VPS50: variants seen among roughly 807,000 people sequenced by gnomAD.
VPS50 encodes VPS50 subunit of EARP/GARPII complex.
VPS50 carries 70 observed loss-of-function variants against 139.7 expected under a neutral mutation model. The ratio of observed to expected loss-of-function variants is 0.50; its 90% CI spans 0.41 to 0.61. The LOEUF is 0.61. Among genes scored for constraint, VPS50 ranks in the 20% least tolerant of loss-of-function variants. The pLI, the probability that VPS50 is intolerant of heterozygous loss-of-function variation, is 0.00. For synonymous variants in VPS50, 365 were observed against 376.7 expected, an observed-to-expected ratio of 0.97 and a Z score of 0.36; for missense variants, 921 against 1,133.7, an observed-to-expected ratio of 0.81 and a Z score of 2.69.
At chr7:93,249,647 C>T (rs2116811319) in intron 2 of VPS50, among the ~76,000 whole-genome samples, 1 of 152,224 alleles carries the variant, frequency 6.6e-6, no homozygotes, top group East Asian at 1.9e-4. Flanking sequence ...TTTATTTGCT[C>T]ATGTTGCTGC....
intron 18 of VPS50, among the ~76,000 whole-genome samples, chr7:93,308,402 A>G (rs1361451717): frequency 6.6e-6 from 1 of 151,910 alleles, no homozygotes; most frequent in Non-Finnish European, 1.5e-5. Context: ...GCATGTGTTT[A>G]TTAAGCTGAA....
At chr7:93,333,993 A>G (rs1246210019) in intron 21 of VPS50, 124 bp from the exon 22 acceptor site, 3 of 681,478 alleles carry the variant, frequency 4.4e-6, no homozygotes, top group African/African-American at 3.6e-5. Flanking sequence ...TGTAAATGCA[A>G]TTTGGAAACC....
At chr7:93,297,377 T>C (rs1796841698) in intron 16 of VPS50, 134 bp downstream of exon 16, 2 of 984,096 alleles carry the variant, frequency 2.0e-6, no homozygotes, top group Non-Finnish European at 1.3e-6. Context: ...TTTTTTAAGA[T>C]GGTTAAGGAT....
intron 17 of VPS50, 62 bp downstream of exon 17, chr7:93,303,612 G>GA (rs199699453): frequency 3.7e-3 from 2,297 of 617,260 alleles, no homozygotes; most frequent in South Asian, 6.2e-3. Flanking sequence ...CCTTTTTTTT[G>GA]AAAAAAAAAA....
intron 26 of VPS50, among the ~76,000 whole-genome samples, chr7:93,354,910 TC>T (rs1320614745): frequency 6.6e-6 from 1 of 152,178 alleles, no homozygotes; most frequent in Non-Finnish European, 1.5e-5. Context: ...TCTTTTGTTC[TC>T]ATTTGTTATA....
chr7:93,246,017 A>T, intron 2 of VPS50: 1 of 752,586 alleles, frequency 1.3e-6, no homozygotes, highest in Non-Finnish European at 2.2e-6. Context: ...TACTGACTGA[A>T]TATTGAAAAC....
chr7:93,327,577 A>C (rs1425133862), intron 21 of VPS50, among the ~76,000 whole-genome samples: 1 of 152,222 alleles, frequency 6.6e-6, no homozygotes, highest in Non-Finnish European at 1.5e-5. Context: ...CTGATATTTT[A>C]TATTTAAACC....
intron 4 of VPS50, among the ~76,000 whole-genome samples, chr7:93,254,662 C>T (rs894501705): frequency 6.6e-6 from 1 of 152,106 alleles, no homozygotes; most frequent in African/African-American, 2.4e-5. Flanking sequence ...ATCATTTAAC[C>T]TCAGTGACTC....
intron 23 of VPS50, among the ~76,000 whole-genome samples, chr7:93,344,428 AG>A (rs1369913139): frequency 6.6e-6 from 1 of 152,198 alleles, no homozygotes; most frequent in Non-Finnish European, 1.5e-5. Context: ...TCAACGAGAC[AG>A]AAAGTTAACA....
rs548584915 is a variant in VPS50 at position 93,304,742 on chromosome 7, A to G, written c.1453-1086A>G. Among the ~76,000 whole-genome samples, 5 of 151,970 alleles carry G rather than the reference A, an allele frequency of 3.3e-5. No individual in the cohort carries two copies. The East Asian group carries it at 9.6e-4, about 29-fold the overall frequency. On this transcript the variant is annotated intron_variant, in intron 17 of 27. Coordinates refer to ENST00000305866, the MANE Select transcript of VPS50 (RefSeq NM_017667.4). ...TTGAAGCATTCCCATCTAGGTGAAC[A>G]TTATCTCCTTTAAAGTAGTTACCTT...
rs189918824 is a variant in VPS50, at chr7:93,237,416, A to G, written c.34-2450A>G. On this transcript the variant is annotated intron_variant, in intron 1 of 27. Coordinates refer to ENST00000305866, the MANE Select transcript of VPS50 (RefSeq NM_017667.4). ...TCACTTCACTCTACATCCTCCTAACATGTACACGGGTTTTCAATTTGTATT... is the reference window on the plus strand; with the variant it reads ...TCACTTCACTCTACATCCTCCTAACGTGTACACGGGTTTTCAATTTGTATT... Among the ~76,000 whole-genome samples, 44 of 152,208 alleles carry G rather than the reference A, an allele frequency of 2.9e-4. No homozygotes were observed. The East Asian group carries it at 7.9e-3, about 27-fold the overall frequency.
chr7:93,268,158 A>G (rs1489799474), intron 9 of VPS50, among the ~76,000 whole-genome samples: 29 of 152,294 alleles, frequency 1.9e-4, no homozygotes, highest in Admixed American at 1.6e-3. Context: ...GCCAAATCAT[A>G]TAGAATATTG....
chr7:93,349,405 C>T (rs529401156), intron 24 of VPS50, among the ~76,000 whole-genome samples: 1 of 152,242 alleles, frequency 6.6e-6, no homozygotes, highest in East Asian at 1.9e-4. Flanking sequence ...ATGGAAGCTC[C>T]TGGAGGGTTT....
At chr7:93,247,123 A>G (rs1362493627) in intron 2 of VPS50, among the ~76,000 whole-genome samples, 1 of 151,950 alleles carries the variant, frequency 6.6e-6, no homozygotes, top group African/African-American at 2.4e-5. Context: ...GTGGTATTAT[A>G]TGCAACCTTA....
In VPS50 at chr7:93,311,286, C is replaced by T. The variant is rs542652274; in HGVS notation, c.1855+14C>T. 1.1e-6 allele frequency: 1 copy of T among 929,328 alleles called. No individual in the cohort carries two copies. The highest frequency in any genetic ancestry group is 1.8e-6 in the Non-Finnish European group (1 of 567,306). The allele number at this position is 929,328 out of a possible 1,614,324, so 57.6% of individuals were successfully genotyped here. On this transcript the variant is annotated intron_variant, in intron 20 of 27. Coordinates refer to ENST00000305866, the MANE Select transcript of VPS50 (RefSeq NM_017667.4). ...TAAGACTTGTTGGTAAGTAGCTACA[C>T]CTTTAAAAAAAATTATAACAGTTAA...
Position 93,246,727 on chromosome 7 carries a change from G to T in VPS50, c.103-5926G>T, listed in dbSNP as rs557679326. Among the ~76,000 whole-genome samples, 3 of 151,940 alleles carry T rather than the reference G, an allele frequency of 2.0e-5. No individual in the cohort carries two copies. In the East Asian group the frequency reaches 5.8e-4, roughly 29 times the overall value. On this transcript the variant is annotated intron_variant, in intron 2 of 27. Coordinates refer to ENST00000305866, the MANE Select transcript of VPS50 (RefSeq NM_017667.4). Reference sequence around the variant, plus strand: ...GTGTGGTATTTTAGATAATTTAAAAGTAGTGATTAAATACAAAATTAGTAG... The same window carrying T: ...GTGTGGTATTTTAGATAATTTAAAATTAGTGATTAAATACAAAATTAGTAG...
intron 21 of VPS50, among the ~76,000 whole-genome samples, chr7:93,329,123 TTAACTC>T (rs758721297): frequency 2.2e-3 from 330 of 152,282 alleles, no homozygotes; most frequent in Non-Finnish European, 3.7e-3. Context: ...TCAATCTAGT[TTAACTC>T]TAAGATATTG....
intron 20 of VPS50, among the ~76,000 whole-genome samples, chr7:93,322,326 G>A (rs529817855): frequency 3.3e-5 from 5 of 152,230 alleles, no homozygotes; most frequent in East Asian, 1.9e-4. Flanking sequence ...TAGGCCGGGC[G>A]CGGTGGCTCA....
Position 93,275,113 on chromosome 7 carries a change from T to A in VPS50, c.802-1052T>A, listed in dbSNP as rs749210851. On this transcript the variant is annotated intron_variant, in intron 11 of 27. Transcript: ENST00000305866. Reference sequence around the variant, plus strand: ...AATCTTATGATAAAACTTGAATGGATGTAAGAATTGCTTCTTATGGATGAG... The same window carrying A: ...AATCTTATGATAAAACTTGAATGGAAGTAAGAATTGCTTCTTATGGATGAG... Among the ~76,000 whole-genome samples the A allele has an allele frequency of 3.0e-4, 46 of 152,178 alleles. 1 individual carries two copies. The highest frequency in any genetic ancestry group is 2.6e-4 in the Admixed American group (4 of 15,274).
Sources: allele counts gnomAD v4.1 joint callset (sites outside exome capture counted in the v4.1 genomes callset), GRCh38; gene constraint gnomAD v4.1.1; transcripts MANE v1.5; gene names NCBI Gene and HGNC (gene_info 2026-07-23, HGNC 2026-07-21).